The following WDR47 variants were observed in gnomAD, a reference collection of about 807,000 sequenced individuals.
WDR47 encodes WD repeat-containing protein 47.
A neutral mutation model predicts 97.2 loss-of-function variants in WDR47; 32 were observed. The observed-to-expected ratio is 0.33, with a 90% CI of 0.25 to 0.44. The LOEUF is 0.44. Ranked by LOEUF, WDR47 falls within the 20% of genes least tolerant of loss-of-function variation. WDR47 has a pLI of 1.00. For missense variants in WDR47, 782 were observed against 1,102.3 expected, an observed-to-expected ratio of 0.71 and a Z score of 4.11; for synonymous variants, 375 against 373.5, an observed-to-expected ratio of 1.00 and a Z score of -0.05.
intron 1 of WDR47, 124 bp from the exon 2 acceptor site, chr1:109,023,645 T>C (rs904213137): frequency 8.5e-6 from 8 of 937,496 alleles, no homozygotes; most frequent in Non-Finnish European, 1.2e-5. Context: ...GAAGTGAAGT[T>C]AACTTAGTAT....
Position 108,974,636 on chromosome 1 carries a change from A to G in WDR47, c.2517T>C (p.His839=), listed in dbSNP as rs547800637. 1 of 1,614,148 alleles carries G rather than the reference A, an allele frequency of 6.2e-7. No individual in the cohort carries two copies. The highest frequency in any genetic ancestry group is 8.5e-7 in the Non-Finnish European group (1 of 1,180,012). ...CAGAGCGAACATCACTGGAATGAGGATGATAACTTTGTACCATTCTTCCTC... is the reference window on the plus strand; with the variant it reads ...CAGAGCGAACATCACTGGAATGAGGGTGATAACTTTGTACCATTCTTCCTC... ...IRGGRMVQSY[H]PHSSDVRSVR... Residue 839 remains histidine (H), a synonymous_variant, in exon 14 of 15, where the codon CAT becomes CAC. Transcript: ENST00000369962.
chr1:109,033,141 A>G (rs1662715230), intron 1 of WDR47, among the ~76,000 whole-genome samples: 2 of 151,882 alleles, frequency 1.3e-5, no homozygotes, highest in South Asian at 4.1e-4. Flanking sequence ...TAAAAATACA[A>G]AAATTAGCTG....
intron 8 of WDR47, among the ~76,000 whole-genome samples, chr1:108,993,736 GA>G (rs769943060): frequency 6.6e-6 from 1 of 152,110 alleles, no homozygotes; most frequent in Non-Finnish European, 1.5e-5. Flanking sequence ...ATGGAATAGA[GA>G]AATTTCTGAC....
At chr1:109,027,817 C>T (rs1662317214) in intron 1 of WDR47, among the ~76,000 whole-genome samples, 1 of 152,036 alleles carries the variant, frequency 6.6e-6, no homozygotes, top group Admixed American at 6.6e-5. Flanking sequence ...CCACCATGCC[C>T]AGCTATATAC....
At chr1:108,991,364 A>C in intron 8 of WDR47, 35 bp from the exon 9 acceptor site, 1 of 1,554,380 alleles carries the variant, frequency 6.4e-7, no homozygotes, top group Non-Finnish European at 8.8e-7. Context: ...AGTTTACTCC[A>C]TGTATCAAAA....
At chr1:109,010,052 T>C (rs909656025) in intron 5 of WDR47, among the ~76,000 whole-genome samples, 6 of 152,026 alleles carry the variant, frequency 3.9e-5, no homozygotes, top group African/African-American at 1.4e-4. Flanking sequence ...GACTGGTCCA[T>C]CTAAGTATGA....
intron 2 of WDR47, among the ~76,000 whole-genome samples, chr1:109,019,937 GC>G (rs1296628792): frequency 6.6e-6 from 1 of 152,212 alleles, no homozygotes; most frequent in African/African-American, 2.4e-5. Flanking sequence ...ACAATATGCT[GC>G]AAAGAAGAAA....
chr1:109,026,497 T>C lies in WDR47; in HGVS notation c.-9-2976A>G, dbSNP rs145191460. On this transcript the variant is annotated intron_variant, in intron 1 of 14. Coordinates refer to ENST00000369962, the MANE Select transcript of WDR47 (RefSeq NM_001142551.2). ...AGACAATTCTTTTTTTTATTTTTAC[T>C]GCTCCTTGCAGAGCAGGCTACCCAA... 6.8e-4 allele frequency among the ~76,000 whole-genome samples: 104 copies of C among 152,320 alleles called. 1 individual carries two copies. In the East Asian group the frequency reaches 0.019, roughly 28 times the overall value.
chr1:108,998,274 G>A lies in WDR47; in HGVS notation c.1434-2437C>T, dbSNP rs576894175. Among the ~76,000 whole-genome samples the A allele has an allele frequency of 9.9e-4, 151 of 152,090 alleles. 1 individual carries two copies. Among genetic ancestry groups the A allele is most frequent in the African/African-American group, 3.4e-3 (143 of 41,500 alleles). On this transcript the variant is annotated intron_variant, in intron 7 of 14. Transcript: ENST00000369962. ...TCCTAGCACTTTGGGAGGCCAAGGC[G>A]GGCAGATCACCTGAGGTAGGGAGTT... is the stretch of plus-strand genomic sequence containing the variant.
chr1:108,974,670 T>G lies in WDR47; in HGVS notation c.2483A>C (p.Asp828Ala). 1 of 1,614,092 alleles carries G rather than the reference T, an allele frequency of 6.2e-7. No homozygotes were observed. The highest frequency in any genetic ancestry group is 8.5e-7 in the Non-Finnish European group (1 of 1,180,002). ...GQEDSSCMLY[D>A]IRGGRMVQSY... ...TTGTACCATTCTTCCTCCTCTTATG[T>G]CATACAACATGCAGCTAGAATCTTC... Residue 828 changes from aspartate (D) to alanine (A), a missense_variant, in exon 14 of 15, where the codon GAC (aspartate) becomes GCC (alanine). Coordinates refer to ENST00000369962, the MANE Select transcript of WDR47 (RefSeq NM_001142551.2).
chr1:109,011,837 G>T, intron 4 of WDR47, 119 bp from the exon 5 acceptor site: 1 of 912,360 alleles, frequency 1.1e-6, no homozygotes, highest in Non-Finnish European at 1.6e-6. Flanking sequence ...TAATTTGTAG[G>T]ATATGCAACA....
intron 1 of WDR47, among the ~76,000 whole-genome samples, chr1:109,035,133 C>A (rs1254598810): frequency 6.6e-6 from 1 of 150,554 alleles, no homozygotes; most frequent in Admixed American, 6.6e-5. Context: ...GAGGTCCCAG[C>A]TACTCAGGAG....
intron 1 of WDR47, among the ~76,000 whole-genome samples, chr1:109,024,302 A>C (rs183795085): frequency 6.6e-6 from 1 of 152,132 alleles, no homozygotes; most frequent in East Asian, 1.9e-4. Flanking sequence ...AAAAATTAAA[A>C]AATTAGCAGG....
chr1:109,031,465 T>G (rs1662600212), intron 1 of WDR47, among the ~76,000 whole-genome samples: 1 of 139,446 alleles, frequency 7.2e-6, no homozygotes, highest in Non-Finnish European at 1.6e-5. Context: ...TAGATAAGAA[T>G]AGAAATGGAA....
chr1:109,006,038 T>C (rs1660587027), intron 5 of WDR47, among the ~76,000 whole-genome samples: 1 of 152,200 alleles, frequency 6.6e-6, no homozygotes, highest in Non-Finnish European at 1.5e-5. Flanking sequence ...AGTTTTGTTA[T>C]CTAAACATTA....
At chr1:109,002,909 A>G (rs565001298) in intron 6 of WDR47, among the ~76,000 whole-genome samples, 70 of 152,328 alleles carry the variant, frequency 4.6e-4, no homozygotes, top group African/African-American at 1.6e-3. Flanking sequence ...TACAGTCTCT[A>G]TGGAAAAAAA....
intron 8 of WDR47, among the ~76,000 whole-genome samples, chr1:108,994,253 T>G (rs1304046481): frequency 6.6e-6 from 1 of 152,020 alleles, no homozygotes; most frequent in Non-Finnish European, 1.5e-5. Flanking sequence ...AAACATTAGC[T>G]GGACATGGTG....
intron 1 of WDR47, among the ~76,000 whole-genome samples, chr1:109,037,247 T>C (rs930320266): frequency 1.3e-5 from 2 of 151,556 alleles, no homozygotes; most frequent in Non-Finnish European, 2.9e-5. Flanking sequence ...GAGAATCACT[T>C]GAACCTGGAA....
At chr1:109,004,309 G>A (rs1295074012) in intron 6 of WDR47, among the ~76,000 whole-genome samples, 1 of 151,752 alleles carries the variant, frequency 6.6e-6, no homozygotes. Flanking sequence ...TAATGTAAGC[G>A]CAATTACTTG....
Sources: allele counts gnomAD v4.1 joint callset (sites outside exome capture counted in the v4.1 genomes callset), GRCh38; gene constraint gnomAD v4.1.1; transcripts MANE v1.5; gene names NCBI Gene and HGNC (gene_info 2026-07-23, HGNC 2026-07-21).